Variants in CUX2 observed in about 807,000 individuals in gnomAD.
The protein encoded by CUX2 is homeobox protein cut-like 2.
A neutral mutation model predicts 144.8 loss-of-function variants in CUX2; 40 were observed. That is an observed-to-expected ratio of 0.28 (90% confidence interval 0.21 to 0.36). The LOEUF is 0.36. Ranked by LOEUF, CUX2 falls within the 10% of genes least tolerant of loss-of-function variation. The probability of loss-of-function intolerance (pLI) is 1.00; values close to 1 mark genes in which losing one functional copy is unlikely to be tolerated. For missense variants in CUX2, 1,615 were observed against 1,994.0 expected (o/e 0.81, Z 3.62); for synonymous variants, 827 against 875.6 (o/e 0.94, Z 0.98).
At position 111,330,720 on chromosome 12, in the gene CUX2, T is replaced by TACACATATAC. The variant is rs1825839470; in HGVS notation, c.2927-3720_2927-3719insCACATATACA. ...ATATATATATATATATATATATATA[T>TACACATATAC]ATATATATATATATATATATATATA... On this transcript the variant is annotated intron_variant, in intron 18 of 21. Transcript: ENST00000261726. Among the ~76,000 whole-genome samples, 9 of 49,872 alleles carry TACACATATAC rather than the reference T, an allele frequency of 1.8e-4. 1 individual carries two copies. Among genetic ancestry groups the TACACATATAC allele is most frequent in the African/African-American group, 9.8e-4 (9 of 9,224 alleles). The allele number at this position is 49,872 out of a possible 152,430, so 32.7% of individuals were successfully genotyped here.
At position 111,054,337 on chromosome 12, in the gene CUX2, C is replaced by A. The variant is rs145683586; in HGVS notation, c.63+20097C>A. Among the ~76,000 whole-genome samples the A allele has an allele frequency of 2.0e-5, 3 of 152,032 alleles. 1 individual carries two copies. The highest frequency in any genetic ancestry group is 4.8e-5 in the African/African-American group (2 of 41,374). On this transcript the variant is annotated intron_variant, in intron 1 of 21. Coordinates refer to ENST00000261726, the MANE Select transcript of CUX2 (RefSeq NM_015267.4). ...GCTTTCAGTGTGGCCCTCATATAAG[C>A]GTGTGAGTTATAATAGCAACCTCAC... is the stretch of plus-strand genomic sequence containing the variant.
chr12:111,283,555 C>A (rs1460397562), intron 4 of CUX2, among the ~76,000 whole-genome samples: 1 of 152,182 alleles, frequency 6.6e-6, no homozygotes, highest in East Asian at 1.9e-4. Context: ...CCCAGCATAA[C>A]CCCATGCCGT....
chr12:111,144,753 C>T (rs759063269), intron 1 of CUX2, among the ~76,000 whole-genome samples: 1 of 152,148 alleles, frequency 6.6e-6, no homozygotes, highest in Non-Finnish European at 1.5e-5. Context: ...TGCTTAAATC[C>T]CCTTTGTTGA....
chr12:111,268,040 T>G (rs2136297111), intron 4 of CUX2, among the ~76,000 whole-genome samples: 1 of 152,218 alleles, frequency 6.6e-6, no homozygotes, highest in South Asian at 2.1e-4. Flanking sequence ...CAAGTGATCC[T>G]CCCACCTCTG....
At position 111,312,152 on chromosome 12, in the gene CUX2, C is replaced by G; in HGVS notation, c.1953C>G (p.Ile651Met). 1 of 1,612,496 alleles carries G rather than the reference C, an allele frequency of 6.2e-7. No homozygotes were observed. The highest frequency in any genetic ancestry group is 8.5e-7 in the Non-Finnish European group (1 of 1,178,904). ...RTPETGSDDAIKSILEQAKKE... is the reference protein window; with the variant it reads ...RTPETGSDDAMKSILEQAKKE... ...CTGAGACAGGCTCAGACGACGCCATCAAGAGCATTCTAGAGCAGGCCAAGA... is the reference window on the plus strand; with the variant it reads ...CTGAGACAGGCTCAGACGACGCCATGAAGAGCATTCTAGAGCAGGCCAAGA... Residue 651 changes from isoleucine to methionine, a missense_variant, in exon 16 of 22, where the codon ATC (isoleucine) becomes ATG (methionine). Ile to Met is a conservative substitution (Grantham distance 10). Around this residue, in one of 12 missense-constraint regions of CUX2, gnomAD observed 71 missense variants for 142.3 expected, o/e 0.50. Transcript: ENST00000261726. This position sits in a 1 kb window ranked among gnomAD's most constrained non-coding sequence, Gnocchi z 4.3.
chr12:111,063,407 C>T (rs1870875439), intron 1 of CUX2, among the ~76,000 whole-genome samples: 1 of 152,016 alleles, frequency 6.6e-6, no homozygotes, highest in African/African-American at 2.4e-5. Context: ...ATTTTTTTTC[C>T]TCCAGTATCT....
intron 14 of CUX2, among the ~76,000 whole-genome samples, chr12:111,309,536 C>T (rs1018883981): frequency 2.0e-5 from 3 of 152,064 alleles, no homozygotes; most frequent in Admixed American, 6.6e-5. Flanking sequence ...GAGCCAAGGT[C>T]GGCGCTTCCA....
chr12:111,244,876 A>G (rs1456248725), intron 3 of CUX2, among the ~76,000 whole-genome samples: 1 of 152,216 alleles, frequency 6.6e-6, no homozygotes, highest in Non-Finnish European at 1.5e-5. Flanking sequence ...CAAGGTAATT[A>G]AATTACTTCA....
chr12:111,215,382 C>G (rs888461876), intron 2 of CUX2, among the ~76,000 whole-genome samples: 2 of 152,208 alleles, frequency 1.3e-5, no homozygotes, highest in Non-Finnish European at 2.9e-5. Context: ...AGGTCCACCT[C>G]AGGCTCTTAG....
chr12:111,174,084 T>A (rs1878699556), intron 1 of CUX2, among the ~76,000 whole-genome samples: 1 of 152,200 alleles, frequency 6.6e-6, no homozygotes, highest in Non-Finnish European at 1.5e-5. Flanking sequence ...CACACAGGCC[T>A]TGCAGACTGG....
intron 3 of CUX2, among the ~76,000 whole-genome samples, chr12:111,231,205 C>A (rs746961035): frequency 1.3e-5 from 2 of 152,038 alleles, no homozygotes; most frequent in African/African-American, 4.8e-5. Flanking sequence ...TAATTCCCCC[C>A]ATTCCTCTCC....
intron 1 of CUX2, among the ~76,000 whole-genome samples, chr12:111,152,419 C>T (rs1010467582): frequency 6.6e-5 from 10 of 152,306 alleles, no homozygotes; most frequent in South Asian, 2.1e-4. Flanking sequence ...CAAACTGGAG[C>T]GCCTATGGCT....
At chr12:111,164,088 C>G (rs1877964406) in intron 1 of CUX2, among the ~76,000 whole-genome samples, 1 of 152,158 alleles carries the variant, frequency 6.6e-6, no homozygotes, top group African/African-American at 2.4e-5. Context: ...CAGTCCCTGG[C>G]ATGTAGTAAG....
At chr12:111,318,239 TTTTTTC>T (rs1460475585) in intron 16 of CUX2, among the ~76,000 whole-genome samples, 2 of 109,500 alleles carry the variant, frequency 1.8e-5, no homozygotes, top group South Asian at 3.2e-4. Flanking sequence ...TTTTTTTTTC[TTTTTTC>T]TTTTTTTTTT....
At chr12:111,069,170 C>A (rs1426812414) in intron 1 of CUX2, among the ~76,000 whole-genome samples, 1 of 152,134 alleles carries the variant, frequency 6.6e-6, no homozygotes, top group Non-Finnish European at 1.5e-5. Flanking sequence ...CTCTGAGCCT[C>A]AGTTTTCCTA....
At chr12:111,084,684 G>T (rs1363096351) in intron 1 of CUX2, among the ~76,000 whole-genome samples, 1 of 152,226 alleles carries the variant, frequency 6.6e-6, no homozygotes, top group Admixed American at 6.5e-5. Context: ...TCACAGCGAT[G>T]AATTATTTGC....
At chr12:111,208,495 A>C (rs892827870) in intron 1 of CUX2, among the ~76,000 whole-genome samples, 18 of 152,190 alleles carry the variant, frequency 1.2e-4, no homozygotes, top group Non-Finnish European at 2.5e-4. Context: ...TTGCTTCCCC[A>C]TAGATAACCA....
At chr12:111,262,856 C>T (rs1884194597) in intron 3 of CUX2, among the ~76,000 whole-genome samples, 1 of 152,198 alleles carries the variant, frequency 6.6e-6, no homozygotes, top group African/African-American at 2.4e-5. Flanking sequence ...CCACTTTCCT[C>T]CTAAAACATG....
chr12:111,298,083 C>T (rs924952254), intron 8 of CUX2, among the ~76,000 whole-genome samples: 4 of 152,190 alleles, frequency 2.6e-5, no homozygotes, highest in African/African-American at 7.2e-5. Flanking sequence ...CCACGTGCCC[C>T]CCGCGTCTCC....
Sources: allele counts gnomAD v4.1 joint callset (sites outside exome capture counted in the v4.1 genomes callset), GRCh38; gene constraint gnomAD v4.1.1; regional missense constraint gnomAD v4.1.1; non-coding constraint Gnocchi (gnomAD v3.1); transcripts MANE v1.5; gene names NCBI Gene and HGNC (gene_info 2026-07-23, HGNC 2026-07-21).